Variants in UGT2A3 observed in about 807,000 individuals in gnomAD.
UGT2A3 encodes UDP glucuronosyltransferase family 2 member A3, also known as UDP-glucuronosyltransferase 2A3.
In UGT2A3, 55 loss-of-function variants were observed where a neutral mutation model predicts 44.1. The ratio of observed to expected loss-of-function variants is 1.25; its 90% CI spans 1.00 to 1.56. The LOEUF is 1.56. Among genes scored for constraint, UGT2A3 ranks in the 40% most tolerant of loss-of-function variants. UGT2A3 has a pLI of 0.00. For missense variants in UGT2A3, 733 were observed against 621.6 expected, an observed-to-expected ratio of 1.18 and a Z score of -1.91; for synonymous variants, 243 against 215.1, an observed-to-expected ratio of 1.13 and a Z score of -1.13.
chr4:68,936,601 A>G (rs1319025557), intron 2 of UGT2A3, among the ~76,000 whole-genome samples: 1 of 152,150 alleles, frequency 6.6e-6, no homozygotes, highest in Admixed American at 6.6e-5. Context: ...CAGCCACTGC[A>G]AAAACATGCC....
intron 3 of UGT2A3, 69 bp downstream of exon 3, chr4:68,932,559 A>T: frequency 6.6e-7 from 1 of 1,525,944 alleles, no homozygotes; most frequent in South Asian, 1.3e-5. Flanking sequence ...ATGAGATTCA[A>T]GACCCAAATA....
chr4:68,942,339 C>CTATATATATATA (rs1553902025), intron 2 of UGT2A3, among the ~76,000 whole-genome samples: 2 of 133,274 alleles, frequency 1.5e-5, no homozygotes, highest in African/African-American at 2.6e-5. Context: ...CTCTCTCTCT[C>CTATATATATATA]TATATATATA....
rs946633672 is a variant in UGT2A3 at position 68,929,646 on chromosome 4, G to A, written c.*167C>T. On this transcript the variant is annotated 3_prime_UTR_variant, in exon 6 of 6. Transcript: ENST00000251566. ...GTAAAGACACCTAGGAAAATACAAC[G>A]AAAGAATGAGATATACTCACAACCT... is the stretch of plus-strand genomic sequence containing the variant. 70 of 590,242 alleles carry A rather than the reference G, an allele frequency of 1.2e-4. No homozygotes were observed. The highest frequency in any genetic ancestry group is 2.1e-4 in the East Asian group (7 of 34,034). 36.6% of individuals were successfully genotyped at this position (590,242 alleles called of 1,614,324 possible). A position where few individuals can be genotyped will look rare whatever the true frequency, so the allele number is the denominator to read the frequency against.
chr4:68,951,331 C>A lies in UGT2A3; in HGVS notation c.430G>T (p.Asp144Tyr). The A allele has an allele frequency of 6.2e-7, 1 of 1,612,544 alleles. No homozygotes were observed. The change falls in exon 1 of 6, where the codon GAT (aspartate) becomes TAT (tyrosine). Residue 144 changes from aspartate to tyrosine, a missense_variant. Asp to Tyr is a radical substitution (Grantham distance 160). Transcript: ENST00000251566. ...ATCACAGGGTCTATAAGCATTACAT[C>A]GTAGTTGGTTTCCTGTAGCTTCTTC... ...LMKKLQETNY[D>Y]VMLIDPVIPC...
In UGT2A3 at chr4:68,928,955, AATT is replaced by A. The variant is rs1458243854; in HGVS notation, c.*855_*857del. 6.6e-6 allele frequency: 1 copy of A among 152,066 alleles called. No individual in the cohort carries two copies. Among genetic ancestry groups the A allele is most frequent in the East Asian group, 1.9e-4 (1 of 5,184 alleles). The allele number at this position is 152,066 out of a possible 1,614,324, so 9.4% of individuals were successfully genotyped here. On this transcript the variant is annotated 3_prime_UTR_variant, in exon 6 of 6. Transcript: ENST00000251566. ...TTATACTTTTGATTATAGAGATAAG[AATT>A]ATGAGTATTCATCATTTTTAAAGAA... is the stretch of plus-strand genomic sequence containing the variant.
chr4:68,951,314 G>A lies in UGT2A3; in HGVS notation c.447C>T (p.Asp149=). The change falls in exon 1 of 6, where the codon GAC becomes GAT. Residue 149 remains aspartate (D), a synonymous_variant. Transcript: ENST00000251566. The part of the protein sequence containing the change: ...QETNYDVMLI[D]PVIPCGDLMA... ...TCAGGTCTCCACAGGGAATCACAGG[G>A]TCTATAAGCATTACATCGTAGTTGG... The A allele has an allele frequency of 1.9e-6, 3 of 1,612,662 alleles. No individual in the cohort carries two copies. Among genetic ancestry groups the A allele is most frequent in the East Asian group, 2.2e-5 (1 of 44,708 alleles).
In UGT2A3 at chr4:68,930,496, T is replaced by C. The variant is rs202054091; in HGVS notation, c.1304+50A>G. On this transcript the variant is annotated intron_variant, in intron 5 of 5. Transcript: ENST00000251566. ...TGATATTTAACATTTTCTGGTATAA[T>C]GTATAACATAGTCAATGTTAGATCA... The C allele has an allele frequency of 6.9e-6, 10 of 1,452,812 alleles. No homozygotes were observed. In the African/African-American group the frequency reaches 1.1e-4, roughly 16 times the overall value. 90.0% of individuals were successfully genotyped at this position (1,452,812 alleles called of 1,614,324 possible).
chr4:68,946,697 C>A (rs1718395107), intron 1 of UGT2A3, among the ~76,000 whole-genome samples: 1 of 151,722 alleles, frequency 6.6e-6, no homozygotes, highest in Non-Finnish European at 1.5e-5. Flanking sequence ...ATTAAATTTG[C>A]TTTTTATACT....
At position 68,951,132 on chromosome 4, in the gene UGT2A3, T is replaced by G. The variant is rs150974029; in HGVS notation, c.629A>C (p.Lys210Thr). Residue 210 changes from lysine to threonine, a missense_variant, in exon 1 of 6, where the codon AAA (lysine) becomes ACA (threonine). Lys to Thr is a moderately conservative substitution (Grantham distance 78). Coordinates refer to ENST00000251566, the MANE Select transcript of UGT2A3 (RefSeq NM_024743.4). ...TDRMTFLERV[K>T]NSMLSVLFHF... Reference sequence around the variant, plus strand: ...GAACAAAACTGAAAGCATTGAATTTTTTACTCTTTCCAGAAAGGTCATTCT... The same window carrying G: ...GAACAAAACTGAAAGCATTGAATTTGTTACTCTTTCCAGAAAGGTCATTCT... 6.2e-7 allele frequency: 1 copy of G among 1,611,584 alleles called. No individual in the cohort carries two copies. The highest frequency in any genetic ancestry group is 8.5e-7 in the Non-Finnish European group (1 of 1,178,902).
In UGT2A3 at chr4:68,930,720, C is replaced by A. The variant is rs1717703751; in HGVS notation, c.1130G>T (p.Gly377Val). ...KAFITHGGMN[G>V]IYEAIYHGVP... ...CCCATGGTAAATAGCTTCATAGATC[C>A]CATTCATTCCACCATGAGTGATAAA... is the stretch of plus-strand genomic sequence containing the variant. The change falls in exon 5 of 6, where the codon GGG becomes GTG. Residue 377 changes from glycine (G) to valine (V), a missense_variant. Gly to Val is a moderately radical substitution (Grantham distance 109). Transcript: ENST00000251566. 1.2e-6 allele frequency: 2 copies of A among 1,610,890 alleles called. No homozygotes were observed. Among genetic ancestry groups the A allele is most frequent in the South Asian group, 2.2e-5 (2 of 90,708 alleles).
At position 68,951,608 on chromosome 4, in the gene UGT2A3, A is replaced by T. The variant is rs759960314; in HGVS notation, c.153T>A (p.His51Gln). Residue 51 changes from histidine to glutamine, a missense_variant, in exon 1 of 6, where the codon CAT (histidine) becomes CAA (glutamine). His to Gln is a conservative substitution (Grantham distance 24). Coordinates refer to ENST00000251566, the MANE Select transcript of UGT2A3 (RefSeq NM_024743.4). ...VILEELIVRG[H>Q]EVTVLTHSKP... ...TTGAGTGAGTCAATACTGTTACCTC[A>T]TGGCCTCTCACTATGAGCTCTTCTA... 1 of 1,612,916 alleles carries T rather than the reference A, an allele frequency of 6.2e-7. No homozygotes were observed. Among genetic ancestry groups the T allele is most frequent in the Non-Finnish European group, 8.5e-7 (1 of 1,179,426 alleles).
intron 2 of UGT2A3, among the ~76,000 whole-genome samples, chr4:68,937,649 G>GGT (rs1718003986): frequency 6.6e-6 from 1 of 152,040 alleles, no homozygotes; most frequent in East Asian, 1.9e-4. Flanking sequence ...ACAATTAATA[G>GGT]AACCAGAGAA....
intron 2 of UGT2A3, among the ~76,000 whole-genome samples, chr4:68,939,901 A>G (rs1030304040): frequency 6.6e-6 from 1 of 152,214 alleles, no homozygotes; most frequent in Non-Finnish European, 1.5e-5. Flanking sequence ...ATGAACAGAC[A>G]CTTGTCAAAA....
In UGT2A3 at chr4:68,928,591, A is replaced by G. The variant is rs1477726388; in HGVS notation, c.*1222T>C. On this transcript the variant is annotated 3_prime_UTR_variant, in exon 6 of 6. Coordinates refer to ENST00000251566, the MANE Select transcript of UGT2A3 (RefSeq NM_024743.4). ...TAGATATACCTAATCAACATCTGTA[A>G]GAATTTCAAAATTTTCAAAAAGCCA... The G allele has an allele frequency of 6.6e-6, 1 of 152,018 alleles. No individual in the cohort carries two copies. Among genetic ancestry groups the G allele is most frequent in the Non-Finnish European group, 1.5e-5 (1 of 67,960 alleles). 9.4% of individuals were successfully genotyped at this position (152,018 alleles called of 1,614,324 possible).
chr4:68,934,731 G>A (rs1430514411), intron 2 of UGT2A3, among the ~76,000 whole-genome samples: 1 of 104,748 alleles, frequency 9.5e-6, no homozygotes, highest in Admixed American at 1.2e-4. Context: ...AGTCTTGATG[G>A]TGTATGCCTG....
chr4:68,951,653 C>T lies in UGT2A3; in HGVS notation c.108G>A (p.Trp36Ter), dbSNP rs1487272410. Residue 36 changes from tryptophan (W) to a stop codon, truncating the protein, a stop_gained, in exon 1 of 6, where the codon TGG (tryptophan) becomes TGA (stop). Coordinates refer to ENST00000251566, the MANE Select transcript of UGT2A3 (RefSeq NM_024743.4). LOFTEE classifies it high-confidence loss of function. ...CTTCTAGAATGACCTTGACATTAAG[C>T]CAATGGCTCATGTCACAGGGCCACA... ...VLVWPCDMSH[W>*]LNVKVILEEL... 1.2e-6 allele frequency: 2 copies of T among 1,612,380 alleles called. No individual in the cohort carries two copies. The highest frequency in any genetic ancestry group is 2.2e-5 in the South Asian group (2 of 91,042).
At chr4:68,931,533 G>A (rs1347307595) in intron 3 of UGT2A3, among the ~76,000 whole-genome samples, 3 of 151,928 alleles carry the variant, frequency 2.0e-5, no homozygotes, top group South Asian at 2.1e-4. Context: ...TTCAGCAGTG[G>A]CTAATCTATT....
rs1452265868 is a variant in UGT2A3 at position 68,930,663 on chromosome 4, T to A, written c.1187A>T (p.Asp396Val). 1 of 1,613,624 alleles carries A rather than the reference T, an allele frequency of 6.2e-7. No individual in the cohort carries two copies. Among genetic ancestry groups the A allele is most frequent in the East Asian group, 2.2e-5 (1 of 44,818 alleles). The stretch of plus-strand genomic sequence containing the variant: ...CATGTGAGCTATGTTATCAAGCTGA[T>A]CACCAAATATGGGAACTCCCACCAT... ...VPMVGVPIFG[D>V]QLDNIAHMKA... The change falls in exon 5 of 6, where the codon GAT becomes GTT. Residue 396 changes from aspartate (D) to valine (V), a missense_variant. Asp to Val is a radical substitution (Grantham distance 152). Transcript: ENST00000251566.
intron 2 of UGT2A3, among the ~76,000 whole-genome samples, chr4:68,942,414 T>TTA (rs765948922): frequency 2.8e-4 from 42 of 147,384 alleles, no homozygotes; most frequent in South Asian, 6.4e-4. Context: ...TTCTATTCCA[T>TTA]TATATATATA....
Sources: gnomAD v4.1 joint callset for allele counts (sites outside exome capture counted in the v4.1 genomes callset) on GRCh38, gnomAD v4.1.1 for gene constraint, MANE v1.5 for transcripts, NCBI Gene and HGNC (gene_info 2026-07-23, HGNC 2026-07-21) for gene names.